Variants in PYHIN1 observed in about 807,000 individuals in gnomAD.
PYHIN1 encodes the protein pyrin and HIN domain-containing protein 1.
Under a neutral mutation model 43.7 loss-of-function variants are expected in PYHIN1, and 32 were observed. The observed-to-expected ratio is 0.73, with a 90% CI of 0.55 to 0.98. The LOEUF is 0.98. Ranked by LOEUF, PYHIN1 falls within the 50% of genes least tolerant of loss-of-function variation. The probability of loss-of-function intolerance (pLI) is 0.00; values close to 1 mark genes in which losing one functional copy is unlikely to be tolerated. For synonymous variants in PYHIN1, 205 were observed against 203.1 expected (o/e 1.01, Z -0.08); for missense variants, 588 against 589.5 (o/e 1.00, Z 0.03).
In PYHIN1 at chr1:158,962,386, C is replaced by T. The variant is rs912467055; in HGVS notation, c.1360-11261C>T. 2.6e-5 allele frequency among the ~76,000 whole-genome samples: 4 copies of T among 152,202 alleles called. No homozygotes were observed. The East Asian group carries it at 7.8e-4, about 30-fold the overall frequency. ...TTGCCTTCAGGTTCTGAAGGATGGG[C>T]AGTGATTAGTGATGGGCGGATCCCC... On this transcript the variant is annotated intron_variant, in intron 7 of 8. Transcript: ENST00000368140.
chr1:158,982,388 T>C, the PYHIN1 span, among the ~76,000 whole-genome samples: 1 of 152,322 alleles, frequency 6.6e-6, no homozygotes, highest in Admixed American at 6.5e-5. Context: ...CACTGCTTGT[T>C]GAATAGGAAG....
intron 7 of PYHIN1, among the ~76,000 whole-genome samples, chr1:158,971,809 G>C (rs945944793): frequency 6.6e-6 from 1 of 151,902 alleles, no homozygotes; most frequent in African/African-American, 2.4e-5. Flanking sequence ...GTTTTCACCA[G>C]AAACAGAGCC....
At chr1:158,947,950 T>A (rs930571077) in intron 7 of PYHIN1, among the ~76,000 whole-genome samples, 10 of 152,350 alleles carry the variant, frequency 6.6e-5, no homozygotes, top group African/African-American at 9.6e-5. Context: ...CATAGCCCTA[T>A]CTTGAGACTT....
At chr1:158,977,206 C>G (rs1000872148), downstream of PYHIN1, among the ~76,000 whole-genome samples, 1 of 151,894 alleles carries the variant, frequency 6.6e-6, no homozygotes, top group African/African-American at 2.4e-5. Flanking sequence ...TGACTGTGCC[C>G]TGCCCAAAGA....
chr1:158,935,221 G>C (rs908123421), intron 1 of PYHIN1, among the ~76,000 whole-genome samples: 3 of 150,000 alleles, frequency 2.0e-5, no homozygotes, highest in African/African-American at 7.4e-5. Flanking sequence ...AAGAGAATTA[G>C]CAAAGTCATG....
At chr1:158,968,823 T>C (rs893598196) in intron 7 of PYHIN1, among the ~76,000 whole-genome samples, 8 of 148,554 alleles carry the variant, frequency 5.4e-5, no homozygotes, top group Admixed American at 5.3e-4. Context: ...ATGCCATTCT[T>C]ATAAACAGAG....
downstream of PYHIN1, among the ~76,000 whole-genome samples, chr1:158,978,112 G>A (rs856128): frequency 0.92 from 139,507 of 152,022 alleles, 65,225 homozygotes; most frequent in East Asian, 1. Flanking sequence ...AGGAATAAAT[G>A]TAGTTTTTTT....
At chr1:158,938,161 G>C (rs533633463) in intron 2 of PYHIN1, among the ~76,000 whole-genome samples, 33 of 152,180 alleles carry the variant, frequency 2.2e-4, no homozygotes, top group Non-Finnish European at 4.1e-4. Context: ...GGACAGGAAG[G>C]ATGTTCTCAC....
Position 158,942,087 on chromosome 1 carries a change from C to T in PYHIN1, c.690C>T (p.Ser230=), listed in dbSNP as rs1648952261. ...LNATKVFKYE[S]SENEQRRMFH... is the part of the protein sequence containing the mutation. ...CAACAAAAGTATTTAAATATGAATC[C>T]TCAGAAAATGAGCAAAGAAGAATGT... is the stretch of plus-strand genomic sequence containing the variant. Residue 230 remains serine, a synonymous_variant, in exon 5 of 9, where the codon TCC becomes TCT. Coordinates refer to ENST00000368140, the MANE Select transcript of PYHIN1 (RefSeq NM_152501.5). The T allele has an allele frequency of 2.5e-6, 4 of 1,614,068 alleles. No individual in the cohort carries two copies. Among genetic ancestry groups the T allele is most frequent in the Non-Finnish European group, 2.5e-6 (3 of 1,179,996 alleles).
At chr1:158,948,946 G>C (rs1649371353) in intron 7 of PYHIN1, among the ~76,000 whole-genome samples, 1 of 152,170 alleles carries the variant, frequency 6.6e-6, no homozygotes, top group African/African-American at 2.4e-5. Flanking sequence ...GAGTTTTGGG[G>C]TGTCATGGAA....
chr1:158,935,471 C>A (rs12087637), intron 1 of PYHIN1, among the ~76,000 whole-genome samples: 10 of 151,890 alleles, frequency 6.6e-5, no homozygotes, highest in Non-Finnish European at 1.2e-4. Context: ...CAAATCAAGC[C>A]TAAAAGAAAA....
chr1:158,932,500 T>C (rs1648222055), intron 1 of PYHIN1, among the ~76,000 whole-genome samples: 1 of 152,108 alleles, frequency 6.6e-6, no homozygotes, highest in African/African-American at 2.4e-5. Context: ...GTGCACAAAG[T>C]ATCAGGAAAT....
At chr1:158,941,135 A>G (rs1181500473) in intron 4 of PYHIN1, among the ~76,000 whole-genome samples, 1 of 152,222 alleles carries the variant, frequency 6.6e-6, no homozygotes, top group Admixed American at 6.5e-5. Context: ...TGTATATGGT[A>G]TTCCAGATCA....
chr1:158,949,842 G>A (rs559137236), intron 7 of PYHIN1, among the ~76,000 whole-genome samples: 44 of 152,284 alleles, frequency 2.9e-4, no homozygotes, highest in African/African-American at 1.0e-3. Context: ...AGGAATGTTT[G>A]GGAAAGCGGC....
At chr1:158,952,872 A>G (rs1198632033) in intron 7 of PYHIN1, among the ~76,000 whole-genome samples, 1 of 152,172 alleles carries the variant, frequency 6.6e-6, no homozygotes, top group African/African-American at 2.4e-5. Flanking sequence ...AGTGCCAGAC[A>G]GTGGGCGCAG....
At chr1:158,981,335 G>A (rs72480245), downstream of PYHIN1, among the ~76,000 whole-genome samples, 6,477 of 152,184 alleles carry the variant, frequency 0.043, 358 homozygotes, top group East Asian at 0.26. Flanking sequence ...GCCTTTTGTG[G>A]TGGCAGGCAC....
intron 7 of PYHIN1, among the ~76,000 whole-genome samples, chr1:158,957,212 T>G (rs1649995869): frequency 6.9e-6 from 1 of 144,466 alleles, no homozygotes; most frequent in Non-Finnish European, 1.5e-5. Context: ...GCCATCCCCA[T>G]CAAGCTACCA....
intron 7 of PYHIN1, among the ~76,000 whole-genome samples, chr1:158,968,171 GA>G (rs967957700): frequency 4.7e-4 from 70 of 148,474 alleles, no homozygotes; most frequent in East Asian, 1.4e-3. Context: ...TACAGAATGA[GA>G]AAAAAAAAAT....
At chr1:158,942,544 T>G (rs1648985428) in intron 5 of PYHIN1, 145 bp downstream of exon 5, 1 of 634,522 alleles carries the variant, frequency 1.6e-6, no homozygotes, top group Non-Finnish European at 2.6e-6. Context: ...TAAAGTCTTC[T>G]TCGAGGTTAA....
Sources: allele counts gnomAD v4.1 joint callset (sites outside exome capture counted in the v4.1 genomes callset), GRCh38; gene constraint gnomAD v4.1.1; transcripts MANE v1.5; gene names NCBI Gene and HGNC (gene_info 2026-07-23, HGNC 2026-07-21).